The following RSPH1 variants were observed in gnomAD, a reference collection of about 807,000 sequenced individuals.
RSPH1 encodes radial spoke head 1 homolog.
A neutral mutation model predicts 44.2 loss-of-function variants in RSPH1; 32 were observed. The observed-to-expected ratio is 0.72, with a 90% CI of 0.55 to 0.97. The LOEUF (loss-of-function observed/expected upper bound fraction) is 0.97, where lower values mean the gene tolerates loss of function less well. Among genes scored for constraint, RSPH1 ranks in the 50% least tolerant of loss-of-function variants. RSPH1 has a pLI of 0.00. For synonymous variants in RSPH1, 134 were observed against 147.3 expected (o/e 0.91, Z 0.65); for missense variants, 391 against 398.7 (o/e 0.98, Z 0.16).
rs1235811491 is a variant in RSPH1, at chr21:42,476,061, C to T, written c.728-14G>A. 6.2e-7 allele frequency: 1 copy of T among 1,613,568 alleles called. No individual in the cohort carries two copies. Among genetic ancestry groups the T allele is most frequent in the East Asian group, 2.2e-5 (1 of 44,788 alleles). On this transcript the variant is annotated splice_polypyrimidine_tract_variant and intron_variant, in intron 7 of 8. Transcript: ENST00000291536. ...GTTCTCCTGCACCTGAGATAAAACACAAGTCAGAAGCCTGAGTTCCTGGGA... is the reference window on the plus strand; with the variant it reads ...GTTCTCCTGCACCTGAGATAAAACATAAGTCAGAAGCCTGAGTTCCTGGGA...
chr21:42,474,767 C>T lies in RSPH1; in HGVS notation c.877+1131G>A, dbSNP rs1005394258. Among the ~76,000 whole-genome samples, 11 of 148,086 alleles carry T rather than the reference C, an allele frequency of 7.4e-5. No individual in the cohort carries two copies. The East Asian group carries it at 1.5e-3, about 21-fold the overall frequency. ...TGCGTCACTGGGTGCATTGCTACAG[C>T]GCTCAGGGGAATTACCGATCACGAA... On this transcript the variant is annotated intron_variant, in intron 8 of 8. Transcript: ENST00000291536. The surrounding 1 kb of genome is among the most constrained non-coding windows in gnomAD (Gnocchi z 5.2).
chr21:42,479,184 G>A (rs1275362783), intron 6 of RSPH1, among the ~76,000 whole-genome samples: 1 of 152,202 alleles, frequency 6.6e-6, no homozygotes. Flanking sequence ...CTGCAGCTTG[G>A]CAAGCCCTAC....
At chr21:42,491,654 A>G (rs1427266893) in intron 3 of RSPH1, among the ~76,000 whole-genome samples, 1 of 152,242 alleles carries the variant, frequency 6.6e-6, no homozygotes, top group African/African-American at 2.4e-5. Flanking sequence ...AACAATTTCT[A>G]TCTAACAGGG....
chr21:42,489,921 A>G (rs2054219449), intron 3 of RSPH1, among the ~76,000 whole-genome samples: 1 of 152,194 alleles, frequency 6.6e-6, no homozygotes, highest in Non-Finnish European at 1.5e-5. Flanking sequence ...TCAAGTTATC[A>G]TGTCATTCTT....
intron 6 of RSPH1, among the ~76,000 whole-genome samples, chr21:42,480,580 C>T (rs944352199): frequency 5.7e-5 from 7 of 123,852 alleles, no homozygotes; most frequent in Non-Finnish European, 4.7e-5. Flanking sequence ...GTGGAGTTTG[C>T]GTTGAGCCGA....
At chr21:42,483,530 C>T (rs1219951596) in intron 5 of RSPH1, among the ~76,000 whole-genome samples, 1 of 151,936 alleles carries the variant, frequency 6.6e-6, no homozygotes, top group Non-Finnish European at 1.5e-5. Flanking sequence ...AGTAAGCCTG[C>T]ATTTTTTTCA....
At chr21:42,476,607 C>T (rs190587370) in intron 7 of RSPH1, among the ~76,000 whole-genome samples, 195 of 152,230 alleles carry the variant, frequency 1.3e-3, no homozygotes, top group African/African-American at 4.2e-3. Flanking sequence ...AGGTGCCACA[C>T]GGACCCTTCT....
At chr21:42,477,561 CT>C in intron 6 of RSPH1, 117 bp from the exon 7 acceptor site, 5 of 993,880 alleles carry the variant, frequency 5.0e-6, no homozygotes, top group Non-Finnish European at 7.6e-6. Context: ...GTGTTTCAGC[CT>C]TTTTAGGACG....
At chr21:42,488,347 A>G (rs991290777) in intron 3 of RSPH1, among the ~76,000 whole-genome samples, 5 of 152,138 alleles carry the variant, frequency 3.3e-5, no homozygotes, top group African/African-American at 1.2e-4. Context: ...GTAAATACTC[A>G]CACCGCGGCC....
Position 42,472,798 on chromosome 21 carries a change from T to A in RSPH1, c.*20A>T. On this transcript the variant is annotated 3_prime_UTR_variant, in exon 9 of 9. Coordinates refer to ENST00000291536, the MANE Select transcript of RSPH1 (RefSeq NM_080860.4). Reference sequence around the variant, plus strand: ...ACAGAAGCATTCTTATGATACGATCTCCTCTCGGCTCACTTCATCTTAGTC... The same window carrying A: ...ACAGAAGCATTCTTATGATACGATCACCTCTCGGCTCACTTCATCTTAGTC... The A allele has an allele frequency of 6.3e-7, 1 of 1,587,494 alleles. No individual in the cohort carries two copies. The highest frequency in any genetic ancestry group is 8.6e-7 in the Non-Finnish European group (1 of 1,157,348).
At chr21:42,476,152 C>G (rs759086621) in intron 7 of RSPH1, 105 bp from the exon 8 acceptor site, 29 of 1,119,050 alleles carry the variant, frequency 2.6e-5, no homozygotes, top group Non-Finnish European at 3.5e-5. Flanking sequence ...CACCCTCCCC[C>G]TCCCACTGGC....
intron 7 of RSPH1, among the ~76,000 whole-genome samples, chr21:42,476,420 G>A (rs916103957): frequency 5.3e-5 from 8 of 152,144 alleles, no homozygotes; most frequent in Non-Finnish European, 1.0e-4. Context: ...GGGCTGTCCC[G>A]GAGCTTCCCA....
intron 3 of RSPH1, 53 bp downstream of exon 3, chr21:42,492,705 A>G: frequency 9.4e-7 from 1 of 1,059,788 alleles, no homozygotes; most frequent in Non-Finnish European, 1.5e-6. Flanking sequence ...GTTCAGTCAT[A>G]AAGAAAGAAA....
chr21:42,473,181 G>A (rs1380899962), intron 8 of RSPH1, among the ~76,000 whole-genome samples: 1 of 152,144 alleles, frequency 6.6e-6, no homozygotes, highest in African/African-American at 2.4e-5. Context: ...ACATGTAATT[G>A]CTTGGCTATT....
intron 1 of RSPH1, 106 bp from the exon 2 acceptor site, chr21:42,493,185 A>AC (rs1198314943): frequency 3.3e-6 from 3 of 896,758 alleles, no homozygotes; most frequent in Non-Finnish European, 5.3e-6. Context: ...ACTATGCTAA[A>AC]CCCCCGGCAC....
At chr21:42,479,804 C>A (rs966396033) in intron 6 of RSPH1, among the ~76,000 whole-genome samples, 2 of 151,992 alleles carry the variant, frequency 1.3e-5, no homozygotes, top group African/African-American at 4.8e-5. Context: ...TGTCAAATTC[C>A]TCTACGTTTT....
Position 42,492,975 on chromosome 21 carries a change from T to C in RSPH1, c.159A>G (p.Arg53=), listed in dbSNP as rs752036275. Residue 53 remains arginine, a synonymous_variant, in exon 2 of 9, where the codon AGA becomes AGG. Transcript: ENST00000291536. ...TYEGSYEFGK[R]HGQGIYKFKN... Reference sequence around the variant, plus strand: ...AGTCAACGGTTCTGACCTGGCCATGTCTTTTACCGAATTCGTAGCTCCCTT... The same window carrying C: ...AGTCAACGGTTCTGACCTGGCCATGCCTTTTACCGAATTCGTAGCTCCCTT... 2 of 1,614,004 alleles carry C rather than the reference T, an allele frequency of 1.2e-6. No homozygotes were observed. The highest frequency in any genetic ancestry group is 2.2e-5 in the East Asian group (1 of 44,898).
At chr21:42,477,754 A>C (rs2054084257) in intron 6 of RSPH1, among the ~76,000 whole-genome samples, 1 of 152,234 alleles carries the variant, frequency 6.6e-6, no homozygotes, top group South Asian at 2.1e-4. Context: ...AATAGCTAAG[A>C]CATGGCCAGG....
At chr21:42,476,163 A>G in intron 7 of RSPH1, 116 bp from the exon 8 acceptor site, 1 of 989,462 alleles carries the variant, frequency 1.0e-6, no homozygotes, top group Non-Finnish European at 1.5e-6. Context: ...TCCCACTGGC[A>G]GCACCTCATG....
Sources: allele counts gnomAD v4.1 joint callset (sites outside exome capture counted in the v4.1 genomes callset), GRCh38; gene constraint gnomAD v4.1.1; non-coding constraint Gnocchi (gnomAD v3.1); transcripts MANE v1.5; gene names NCBI Gene and HGNC (gene_info 2026-07-23, HGNC 2026-07-21).